The following TMCO5A variants were observed in gnomAD, a reference collection of about 807,000 sequenced individuals.
The protein encoded by TMCO5A is transmembrane and coiled-coil domain-containing protein 5A.
Under a neutral mutation model 42.3 loss-of-function variants are expected in TMCO5A, and 34 were observed. The ratio of observed to expected loss-of-function variants is 0.80; its 90% CI spans 0.61 to 1.07. The LOEUF (loss-of-function observed/expected upper bound fraction) is 1.07. Among genes scored for constraint, TMCO5A ranks in the 50% least tolerant of loss-of-function variants. The probability of loss-of-function intolerance (pLI) is 0.00; values close to 1 mark genes in which losing one functional copy is unlikely to be tolerated. For missense variants in TMCO5A, 357 were observed against 327.9 expected (o/e 1.09, Z -0.69); for synonymous variants, 131 against 115.6 (o/e 1.13, Z -0.86).
chr15:38,006,216 T>C, the TMCO5A span, among the ~76,000 whole-genome samples: 3 of 152,340 alleles, frequency 2.0e-5, no homozygotes, highest in African/African-American at 4.8e-5. Context: ...AGAGCCTTTA[T>C]TGTGTTTTCT....
intron 10 of TMCO5A, 169 bp downstream of exon 10, chr15:37,943,567 C>T: frequency 1.7e-6 from 1 of 587,876 alleles, no homozygotes; most frequent in Non-Finnish European, 2.9e-6. Context: ...ACAAACTAGA[C>T]TCTAAGGAAC....
the TMCO5A span, among the ~76,000 whole-genome samples, chr15:37,985,476 C>G: frequency 6.6e-6 from 1 of 152,100 alleles, no homozygotes; most frequent in African/African-American, 2.4e-5. Flanking sequence ...AAATTTCTAG[C>G]AGTACATTGT....
At chr15:37,963,549 G>A (rs1890484499) in intron 11 of TMCO5A, among the ~76,000 whole-genome samples, 1 of 152,120 alleles carries the variant, frequency 6.6e-6, no homozygotes, top group African/African-American at 2.4e-5. Flanking sequence ...AAAATGTTCT[G>A]TATGTATCTG....
chr15:37,970,018 T>C (rs192472309), downstream of TMCO5A, among the ~76,000 whole-genome samples: 3 of 152,372 alleles, frequency 2.0e-5, no homozygotes, highest in East Asian at 1.9e-4. Flanking sequence ...GAATGGCTTA[T>C]ATTCCTTTGG....
At chr15:37,982,359 C>T in the TMCO5A span, among the ~76,000 whole-genome samples, 1 of 151,430 alleles carries the variant, frequency 6.6e-6, no homozygotes, top group Non-Finnish European at 1.5e-5. Flanking sequence ...AGAGATAGAT[C>T]TCACTCCACA....
chr15:38,035,499 C>T, the TMCO5A span, among the ~76,000 whole-genome samples: 2 of 152,108 alleles, frequency 1.3e-5, no homozygotes, highest in African/African-American at 2.4e-5. Context: ...AAGTAGTTAA[C>T]TTGAGAGGTG....
chr15:38,019,220 G>A, the TMCO5A span, among the ~76,000 whole-genome samples: 1 of 152,128 alleles, frequency 6.6e-6, no homozygotes, highest in Non-Finnish European at 1.5e-5. Context: ...AGATAATGTT[G>A]TGAAACTTAA....
intron 11 of TMCO5A, chr15:37,956,797 T>C (rs1890303845): frequency 6.6e-6 from 1 of 152,026 alleles, no homozygotes; most frequent in Non-Finnish European, 1.5e-5. Context: ...AATAAGAAAA[T>C]TTCAGGCCAG....
At chr15:38,020,156 A>T in the TMCO5A span, 1 of 151,908 alleles carries the variant, frequency 6.6e-6, no homozygotes, top group Non-Finnish European at 1.5e-5. Flanking sequence ...ATACTTGGCT[A>T]ATATATTTTT....
chr15:38,010,203 C>T, the TMCO5A span, among the ~76,000 whole-genome samples: 3 of 128,760 alleles, frequency 2.3e-5, no homozygotes, highest in East Asian at 6.0e-4. Flanking sequence ...GAAACCCCGT[C>T]TCTACTAAAA....
At chr15:37,952,756 T>C (rs180720169), downstream of TMCO5A, among the ~76,000 whole-genome samples, 1 of 152,306 alleles carries the variant, frequency 6.6e-6, no homozygotes, top group Admixed American at 6.5e-5. Flanking sequence ...GAGTGAGCCC[T>C]TGGGTTCCCA....
the TMCO5A span, among the ~76,000 whole-genome samples, chr15:37,974,074 C>T: frequency 1.6e-4 from 24 of 152,236 alleles, no homozygotes; most frequent in South Asian, 3.9e-3. Context: ...TATTGCCTCA[C>T]GTATGTTGAA....
At chr15:37,972,861 T>C in the TMCO5A span, among the ~76,000 whole-genome samples, 1 of 152,228 alleles carries the variant, frequency 6.6e-6, no homozygotes, top group African/African-American at 2.4e-5. Context: ...TGAGGACGTA[T>C]GTCTACAATG....
At chr15:38,024,160 T>C in the TMCO5A span, among the ~76,000 whole-genome samples, 1 of 152,190 alleles carries the variant, frequency 6.6e-6, no homozygotes. Context: ...TTTTCCTCTT[T>C]CTTGCCTTTC....
At chr15:37,979,069 A>G in the TMCO5A span, among the ~76,000 whole-genome samples, 1 of 151,980 alleles carries the variant, frequency 6.6e-6, no homozygotes, top group Non-Finnish European at 1.5e-5. Context: ...CCATGATCCA[A>G]TCACCTCCCA....
At chr15:38,010,330 G>C in the TMCO5A span, among the ~76,000 whole-genome samples, 3 of 142,702 alleles carry the variant, frequency 2.1e-5, no homozygotes, top group African/African-American at 7.9e-5. Context: ...AGCTGAGATC[G>C]CGCCACTGCA....
Position 37,951,394 on chromosome 15 carries a change from C to G in TMCO5A, c.*160C>G. 2 of 650,696 alleles carry G rather than the reference C, an allele frequency of 3.1e-6. No homozygotes were observed. The highest frequency in any genetic ancestry group is 4.1e-5 in the South Asian group (2 of 49,130). 40.3% of individuals were successfully genotyped at this position (650,696 alleles called of 1,614,324 possible). On this transcript the variant is annotated 3_prime_UTR_variant, in exon 12 of 12. Transcript: ENST00000319669. ...CACCACGTCATCTTTCCAGGATTAA[C>G]CTTGACCAGTAAAAAGCTCTGTAAT... is the stretch of plus-strand genomic sequence containing the variant.
In TMCO5A at chr15:37,936,885, A is replaced by G. The variant is rs1205210231; in HGVS notation, c.179A>G (p.Glu60Gly). The change falls in exon 4 of 12, where the codon GAA becomes GGA. Residue 60 changes from glutamate to glycine, a missense_variant. Transcript: ENST00000319669. ...ATCATTCAGACGCGGGGCCTGGTGG[A>G]AGATGAAGAGTGGGAGAAGGAGAAC... Reference protein sequence around the residue: ...SEIIQTRGLVEDEEWEKENRT... With the variant: ...SEIIQTRGLVGDEEWEKENRT... 2 of 1,612,518 alleles carry G rather than the reference A, an allele frequency of 1.2e-6. No homozygotes were observed. The highest frequency in any genetic ancestry group is 3.3e-5 in the Admixed American group (2 of 59,856).
chr15:38,014,853 TTATATATATATATATATATATATA>T, the TMCO5A span, among the ~76,000 whole-genome samples: 157 of 54,636 alleles, frequency 2.9e-3, 3 homozygotes, highest in East Asian at 0.024. Context: ...AGGAGAAAGA[TTATATATATATATATATATATATA>T]TATATATATA....
Sources: gnomAD v4.1 joint callset for allele counts (sites outside exome capture counted in the v4.1 genomes callset) on GRCh38, gnomAD v4.1.1 for gene constraint, MANE v1.5 for transcripts, NCBI Gene and HGNC (gene_info 2026-07-23, HGNC 2026-07-21) for gene names.